The following FGF14 variants were observed in gnomAD, a reference collection of about 807,000 sequenced individuals.
FGF14 encodes the protein fibroblast growth factor homologous factor 4.
FGF14 carries 5 observed loss-of-function variants against 25.5 expected under a neutral mutation model. That is an observed-to-expected ratio of 0.20 (90% CI 0.10 to 0.41). FGF14 has a LOEUF of 0.41. Among genes scored for constraint, FGF14 ranks in the 10% least tolerant of loss-of-function variants. The pLI is 1.00. For synonymous variants in FGF14, 138 were observed against 118.3 expected, an observed-to-expected ratio of 1.17 and a Z score of -1.08; for missense variants, 222 against 320.1, an observed-to-expected ratio of 0.69 and a Z score of 2.34.
In FGF14 at chr13:101,714,401, A is replaced by T; in HGVS notation, c.*8430T>A. On this transcript the variant is annotated 3_prime_UTR_variant, in exon 5 of 5. Transcript: ENST00000376143. ...CTATTCGAGATGGAAACCTTTAGTT[A>T]TAAGGTGATGGTGAGTAATAGCCTT... The T allele has an allele frequency of 8.7e-7, 1 of 1,143,156 alleles. No homozygotes were observed. Among genetic ancestry groups the T allele is most frequent in the South Asian group, 1.2e-5 (1 of 81,130 alleles). 70.8% of individuals were successfully genotyped at this position (1,143,156 alleles called of 1,614,324 possible).
intron 1 of FGF14, among the ~76,000 whole-genome samples, chr13:101,969,615 T>C (rs2037472474): frequency 6.6e-6 from 1 of 152,176 alleles, no homozygotes; most frequent in South Asian, 2.1e-4. Context: ...ACACACTACA[T>C]CCACATGACT....
At chr13:101,743,000 A>G (rs2036651047) in intron 3 of FGF14, among the ~76,000 whole-genome samples, 1 of 152,204 alleles carries the variant, frequency 6.6e-6, no homozygotes, top group Non-Finnish European at 1.5e-5. Context: ...AAAGAATGCA[A>G]TCATATTTCT....
intron 1 of FGF14, among the ~76,000 whole-genome samples, chr13:102,210,738 C>A (rs2050122125): frequency 6.6e-6 from 1 of 152,018 alleles, no homozygotes; most frequent in African/African-American, 2.4e-5. Context: ...AGAACCCTAC[C>A]CAGCACAGTA....
intron 1 of FGF14, among the ~76,000 whole-genome samples, chr13:102,067,285 G>T (rs2042942842): frequency 6.6e-6 from 1 of 152,220 alleles, no homozygotes; most frequent in East Asian, 1.9e-4. Flanking sequence ...TGACCACTCA[G>T]CTACAGTGAC....
At chr13:102,223,406 T>C (rs1435859525) in intron 1 of FGF14, among the ~76,000 whole-genome samples, 1 of 152,194 alleles carries the variant, frequency 6.6e-6, no homozygotes, top group Non-Finnish European at 1.5e-5. Context: ...ATTAATTCCA[T>C]TTTCAGTGCT....
rs2058685633 is a variant in FGF14, at chr13:102,400,785, C to T, written c.208+686G>A. Among the ~76,000 whole-genome samples the T allele has an allele frequency of 6.6e-6, 1 of 152,094 alleles. No homozygotes were observed. Among genetic ancestry groups the T allele is most frequent in the Non-Finnish European group, 1.5e-5 (1 of 68,014 alleles). Reference sequence around the variant, plus strand: ...TGACACCGCTTTCTAAAGGGGGGGACTTCAATTACAAATATTAGAGGGGCT... The same window carrying T: ...TGACACCGCTTTCTAAAGGGGGGGATTTCAATTACAAATATTAGAGGGGCT... On this transcript the variant is annotated intron_variant, in intron 1 of 4. Transcript: ENST00000376131. This position sits in a 1 kb window ranked among gnomAD's most constrained non-coding sequence, Gnocchi z 4.3.
At chr13:101,805,210 T>A (rs11069462) in intron 3 of FGF14, among the ~76,000 whole-genome samples, 50 of 152,096 alleles carry the variant, frequency 3.3e-4, no homozygotes, top group African/African-American at 1.2e-3. Context: ...CTACAGTAAG[T>A]AAAAACAGCT....
At chr13:102,058,489 G>A (rs941958552) in intron 1 of FGF14, among the ~76,000 whole-genome samples, 11 of 152,076 alleles carry the variant, frequency 7.2e-5, no homozygotes, top group African/African-American at 2.7e-4. Context: ...ACTTAATGAA[G>A]TGTATAATTC....
chr13:101,912,004 GTT>G (rs5806256), intron 1 of FGF14, among the ~76,000 whole-genome samples: 4,256 of 140,276 alleles, frequency 0.03, 214 homozygotes, highest in African/African-American at 0.1. Flanking sequence ...CAAAAACAGT[GTT>G]TTTTTTTTTT....
At position 101,722,760 on chromosome 13, in the gene FGF14, G is replaced by A; in HGVS notation, c.*71C>T. On this transcript the variant is annotated 3_prime_UTR_variant, in exon 5 of 5. Transcript: ENST00000376143. ...CTGCTGCTCTTCAGCCACGGAGCAGGAATGTCTGGTGAGGATAAATCACTC... is the reference window on the plus strand; with the variant it reads ...CTGCTGCTCTTCAGCCACGGAGCAGAAATGTCTGGTGAGGATAAATCACTC... 4 of 1,599,242 alleles carry A rather than the reference G, an allele frequency of 2.5e-6. No individual in the cohort carries two copies. In the Admixed American group the frequency reaches 5.0e-5, roughly 20 times the overall value.
intron 1 of FGF14, among the ~76,000 whole-genome samples, chr13:102,161,676 G>C (rs1594221196): frequency 8.8e-5 from 5 of 57,010 alleles, no homozygotes; most frequent in African/African-American, 2.8e-4. Context: ...AGAAGAAGAA[G>C]AAGAAGAAGA....
At chr13:101,950,615 T>C (rs959774585) in intron 1 of FGF14, among the ~76,000 whole-genome samples, 4 of 152,220 alleles carry the variant, frequency 2.6e-5, no homozygotes, top group Non-Finnish European at 4.4e-5. Flanking sequence ...TATCTGTTTG[T>C]GTAGTCACAA....
intron 1 of FGF14, among the ~76,000 whole-genome samples, chr13:102,350,234 T>G (rs1200811338): frequency 6.6e-6 from 1 of 152,206 alleles, no homozygotes; most frequent in Non-Finnish European, 1.5e-5. Flanking sequence ...GCCAGTGTGG[T>G]GGCACATGCC....
intron 1 of FGF14, among the ~76,000 whole-genome samples, chr13:101,894,670 G>T (rs1483031465): frequency 1.3e-5 from 2 of 152,174 alleles, no homozygotes; most frequent in South Asian, 4.1e-4. Flanking sequence ...GTGAGCATTA[G>T]ATGTGAAACT....
At chr13:101,845,989 T>C (rs2043437287) in intron 3 of FGF14, among the ~76,000 whole-genome samples, 1 of 152,038 alleles carries the variant, frequency 6.6e-6, no homozygotes, top group Non-Finnish European at 1.5e-5. Context: ...TCCAATATTT[T>C]GCCACATTGT....
chr13:102,181,621 T>C (rs2048678924), intron 1 of FGF14, among the ~76,000 whole-genome samples: 1 of 152,138 alleles, frequency 6.6e-6, no homozygotes, highest in African/African-American at 2.4e-5. Context: ...TGCTAAGGAT[T>C]GATGGGCATA....
chr13:102,015,806 T>A (rs1380301262), intron 1 of FGF14, among the ~76,000 whole-genome samples: 2 of 152,198 alleles, frequency 1.3e-5, no homozygotes, highest in Non-Finnish European at 2.9e-5. Context: ...AGAAAAAAAA[T>A]CGACTTAAAG....
intron 1 of FGF14, among the ~76,000 whole-genome samples, chr13:102,303,939 T>C (rs1269905211): frequency 6.6e-6 from 1 of 152,188 alleles, no homozygotes; most frequent in Non-Finnish European, 1.5e-5. Context: ...ACAGCGATTT[T>C]AGACAATTAG....
intron 3 of FGF14, among the ~76,000 whole-genome samples, chr13:101,854,422 C>G (rs1463386222): frequency 6.6e-6 from 1 of 152,046 alleles, no homozygotes; most frequent in Admixed American, 6.6e-5. Context: ...TACTGCTGCT[C>G]ACACTAAACA....
Sources: gnomAD v4.1 joint callset for allele counts (sites outside exome capture counted in the v4.1 genomes callset) on GRCh38, gnomAD v4.1.1 for gene constraint, Gnocchi (gnomAD v3.1) non-coding constraint, MANE v1.5 for transcripts, NCBI Gene and HGNC (gene_info 2026-07-23, HGNC 2026-07-21) for gene names.